Variants in GRIA4 observed in about 807,000 individuals in gnomAD.
GRIA4 encodes the protein glutamate ionotropic receptor AMPA type subunit 4, also known as glutamate receptor 4.
Under a neutral mutation model 104.0 loss-of-function variants are expected in GRIA4, and 34 were observed. That is an observed-to-expected ratio of 0.33 (90% confidence interval 0.25 to 0.44). The LOEUF is 0.44. Among genes scored for constraint, GRIA4 ranks in the 20% least tolerant of loss-of-function variants. The pLI is 1.00. For missense variants in GRIA4, 750 were observed against 1,096.5 expected (o/e 0.68, Z 4.46); for synonymous variants, 386 against 381.9 (o/e 1.01, Z -0.13).
chr11:105,745,318 T>C (rs1939587841), intron 3 of GRIA4, among the ~76,000 whole-genome samples: 1 of 152,160 alleles, frequency 6.6e-6, no homozygotes, highest in Non-Finnish European at 1.5e-5. Context: ...TAACCCTTCT[T>C]GGTAGCAACA....
At chr11:105,866,551 G>GTGTGTGTGTGTATA (rs1299256765) in intron 5 of GRIA4, among the ~76,000 whole-genome samples, 2 of 76,752 alleles carry the variant, frequency 2.6e-5, no homozygotes, top group African/African-American at 1.3e-4. Flanking sequence ...GTGTGTGTGT[G>GTGTGTGTGTGTATA]TATATATATA....
At chr11:105,784,770 A>G (rs1191951063) in intron 4 of GRIA4, among the ~76,000 whole-genome samples, 3 of 152,226 alleles carry the variant, frequency 2.0e-5, no homozygotes, top group Non-Finnish European at 4.4e-5. Flanking sequence ...GTGGGCATAA[A>G]TAAGATGTGT....
chr11:105,651,473 C>CA (rs1951685078), intron 3 of GRIA4, among the ~76,000 whole-genome samples: 1 of 152,108 alleles, frequency 6.6e-6, no homozygotes, highest in Non-Finnish European at 1.5e-5. Flanking sequence ...TCTCCTCTCT[C>CA]ATTTTTTAGA....
chr11:105,739,989 T>G (rs554487761), intron 3 of GRIA4, among the ~76,000 whole-genome samples: 22 of 152,280 alleles, frequency 1.4e-4, no homozygotes, highest in Non-Finnish European at 3.1e-4. Context: ...TAATTGTGTT[T>G]GACACTCAAT....
At chr11:105,724,009 A>G (rs575606276) in intron 3 of GRIA4, among the ~76,000 whole-genome samples, 1 of 152,266 alleles carries the variant, frequency 6.6e-6, no homozygotes, top group African/African-American at 2.4e-5. Context: ...AAGTCAGAAA[A>G]TAACAGATGT....
At chr11:105,668,476 T>C (rs1273238975) in intron 3 of GRIA4, among the ~76,000 whole-genome samples, 1 of 151,394 alleles carries the variant, frequency 6.6e-6, no homozygotes, top group Non-Finnish European at 1.5e-5. Context: ...CAGATATCTC[T>C]GCAAGGTACT....
At chr11:105,908,087 T>C (rs1947108010) in intron 9 of GRIA4, among the ~76,000 whole-genome samples, 1 of 152,152 alleles carries the variant, frequency 6.6e-6, no homozygotes, top group Non-Finnish European at 1.5e-5. Flanking sequence ...CAACTTTGAG[T>C]AGAACAGGAG....
chr11:105,785,245 G>T (rs1260098159), intron 4 of GRIA4, among the ~76,000 whole-genome samples: 1 of 151,972 alleles, frequency 6.6e-6, no homozygotes, highest in African/African-American at 2.4e-5. Flanking sequence ...TATTTATTTA[G>T]GGTGAAAAAT....
In GRIA4 at chr11:105,752,099, T is replaced by C. The variant is rs534698779; in HGVS notation, c.248-882T>C. 1.8e-4 allele frequency among the ~76,000 whole-genome samples: 27 copies of C among 152,266 alleles called. 1 individual carries two copies. The South Asian group carries it at 4.6e-3, about 26-fold the overall frequency. ...ACCAATTTGGACCAGAAATCAGTTA[T>C]GTTAAAAGAGTGATAAAAATGTGAT... On this transcript the variant is annotated intron_variant, in intron 3 of 16. Coordinates refer to ENST00000282499, the MANE Select transcript of GRIA4 (RefSeq NM_000829.4).
chr11:105,767,297 G>A (rs913536385), intron 4 of GRIA4, among the ~76,000 whole-genome samples: 2 of 152,114 alleles, frequency 1.3e-5, no homozygotes, highest in African/African-American at 2.4e-5. Context: ...AATTCATGGA[G>A]TAGCTGAATT....
rs147478514 is a variant in GRIA4, at chr11:105,722,793, C to T, written c.248-30188C>T. Among the ~76,000 whole-genome samples, 1,454 of 152,098 alleles carry T rather than the reference C, an allele frequency of 9.6e-3. 18 individuals are homozygous for T. Among genetic ancestry groups the T allele is most frequent in the African/African-American group, 0.031 (1,307 of 41,522 alleles). On this transcript the variant is annotated intron_variant, in intron 3 of 16. Transcript: ENST00000282499. ...TACTCCATGTCCATTGTATTACATA[C>T]ATAAAATAAGTAAAAATTTAGATAA... is the stretch of plus-strand genomic sequence containing the variant.
intron 3 of GRIA4, among the ~76,000 whole-genome samples, chr11:105,687,952 C>G (rs1223157633): frequency 1.3e-5 from 2 of 152,088 alleles, no homozygotes; most frequent in Admixed American, 1.3e-4. Flanking sequence ...CAATAGATGA[C>G]TTTGTTTTTA....
rs1194009845 is a variant in GRIA4 at position 105,980,341 on chromosome 11, A to G, written c.*602A>G. The G allele has an allele frequency of 6.5e-6, 1 of 152,712 alleles. No individual in the cohort carries two copies. Among genetic ancestry groups the G allele is most frequent in the Non-Finnish European group, 1.5e-5 (1 of 68,070 alleles). 9.5% of individuals were successfully genotyped at this position (152,712 alleles called of 1,614,324 possible). Reference sequence around the variant, plus strand: ...CATGCTTGCTTTTTAACTGACGTAAATTCAGTAGAGGACAACACAATTCTT... The same window carrying G: ...CATGCTTGCTTTTTAACTGACGTAAGTTCAGTAGAGGACAACACAATTCTT... On this transcript the variant is annotated 3_prime_UTR_variant, in exon 17 of 17. Coordinates refer to ENST00000282499, the MANE Select transcript of GRIA4 (RefSeq NM_000829.4).
intron 14 of GRIA4, among the ~76,000 whole-genome samples, chr11:105,967,389 G>C (rs751171382): frequency 1.3e-4 from 20 of 152,138 alleles, no homozygotes; most frequent in Non-Finnish European, 2.6e-4. Flanking sequence ...AACTCAGTCA[G>C]ATTTAATTAG....
chr11:105,764,605 C>G (rs953670049), intron 4 of GRIA4, among the ~76,000 whole-genome samples: 1 of 151,996 alleles, frequency 6.6e-6, no homozygotes, highest in African/African-American at 2.4e-5. Flanking sequence ...CTACTCCCAC[C>G]CTGGAAATCT....
In GRIA4 at chr11:105,714,879, A is replaced by G. The variant is rs140626829; in HGVS notation, c.248-38102A>G. ...GTGTCTCTGAGAGACTTCGATTAGT[A>G]AAGGGTCTAGGTTAGGTTCACTAAT... On this transcript the variant is annotated intron_variant, in intron 3 of 16. Coordinates refer to ENST00000282499, the MANE Select transcript of GRIA4 (RefSeq NM_000829.4). Among the ~76,000 whole-genome samples the G allele has an allele frequency of 3.0e-3, 452 of 152,052 alleles. 7 individuals are homozygous for G. Among genetic ancestry groups the G allele is most frequent in the African/African-American group, 0.011 (444 of 41,504 alleles).
At chr11:105,889,270 G>A (rs781247436) in intron 6 of GRIA4, among the ~76,000 whole-genome samples, 9 of 152,116 alleles carry the variant, frequency 5.9e-5, no homozygotes, top group Non-Finnish European at 1.0e-4. Flanking sequence ...GTTATCTAGC[G>A]TTCCAGTATA....
At chr11:105,966,199 A>G (rs1858361865) in intron 14 of GRIA4, 6 of 605,104 alleles carry the variant, frequency 9.9e-6, no homozygotes, top group Non-Finnish European at 1.8e-5. Context: ...GTATGCAGTT[A>G]CTGTCAATGC....
intron 4 of GRIA4, among the ~76,000 whole-genome samples, chr11:105,839,405 T>C (rs1434282701): frequency 1.3e-5 from 2 of 151,786 alleles, no homozygotes; most frequent in Non-Finnish European, 2.9e-5. Flanking sequence ...AAGGAAATAC[T>C]ATTCTCTCAA....
Sources: gnomAD v4.1 joint callset for allele counts (sites outside exome capture counted in the v4.1 genomes callset) on GRCh38, gnomAD v4.1.1 for gene constraint, MANE v1.5 for transcripts, NCBI Gene and HGNC (gene_info 2026-07-23, HGNC 2026-07-21) for gene names.